Variants in PDK1 observed in about 807,000 individuals in gnomAD.
The protein encoded by PDK1 is [Pyruvate dehydrogenase (acetyl-transferring)] kinase isozyme 1, mitochondrial.
In PDK1, 39 loss-of-function variants were observed where a neutral mutation model predicts 54.2. The ratio of observed to expected loss-of-function variants is 0.72; its 90% CI spans 0.56 to 0.94. The LOEUF (loss-of-function observed/expected upper bound fraction) is 0.94. PDK1 is among the 40% of genes least tolerant of loss of function. The pLI, the probability that PDK1 is intolerant of heterozygous loss-of-function variation, is 0.00. For synonymous variants in PDK1, 221 were observed against 207.1 expected, an observed-to-expected ratio of 1.07 and a Z score of -0.58; for missense variants, 552 against 566.0, an observed-to-expected ratio of 0.98 and a Z score of 0.25.
At chr2:172,659,628 G>A in the PDK1 span, among the ~76,000 whole-genome samples, 1 of 152,110 alleles carries the variant, frequency 6.6e-6, no homozygotes, top group Non-Finnish European at 1.5e-5. Context: ...ATGTTTTAAA[G>A]TACACTAAAA....
At chr2:172,679,197 A>G in the PDK1 span, among the ~76,000 whole-genome samples, 9 of 152,186 alleles carry the variant, frequency 5.9e-5, no homozygotes, top group African/African-American at 2.2e-4. Flanking sequence ...TATAAATCCA[A>G]TGACTTGGGA....
intron 8 of PDK1, among the ~76,000 whole-genome samples, chr2:172,584,991 G>A (rs886093985): frequency 1.3e-5 from 2 of 151,162 alleles, no homozygotes; most frequent in African/African-American, 4.9e-5. Flanking sequence ...TTCTTTTTTT[G>A]TTTGTTTTTG....
At chr2:172,589,777 A>G (rs1046773155) in intron 9 of PDK1, among the ~76,000 whole-genome samples, 1 of 152,212 alleles carries the variant, frequency 6.6e-6, no homozygotes, top group African/African-American at 2.4e-5. Flanking sequence ...AATGTCATCA[A>G]ACATATGACT....
the PDK1 span, among the ~76,000 whole-genome samples, chr2:172,688,550 T>C: frequency 2.6e-5 from 4 of 152,140 alleles, no homozygotes; most frequent in African/African-American, 7.2e-5. Context: ...TTGCATCCTC[T>C]AAGGAGCAGA....
At chr2:172,640,217 T>C in the PDK1 span, among the ~76,000 whole-genome samples, 2 of 152,358 alleles carry the variant, frequency 1.3e-5, no homozygotes, top group East Asian at 3.9e-4. Context: ...GGGTACTTAC[T>C]GGAGAATGTA....
the PDK1 span, among the ~76,000 whole-genome samples, chr2:172,680,991 C>T: frequency 6.6e-6 from 1 of 152,332 alleles, no homozygotes; most frequent in East Asian, 1.9e-4. Flanking sequence ...TAAATTATGG[C>T]AAGAAACTAT....
At chr2:172,712,414 T>C in the PDK1 span, among the ~76,000 whole-genome samples, 1 of 152,218 alleles carries the variant, frequency 6.6e-6, no homozygotes, top group Non-Finnish European at 1.5e-5. Context: ...TCACTTGGCT[T>C]TCGCTACTGG....
intron 9 of PDK1, 111 bp downstream of exon 9, chr2:172,586,499 G>T (rs1315376518): frequency 1.7e-6 from 1 of 581,726 alleles, no homozygotes; most frequent in African/African-American, 1.9e-5. Flanking sequence ...AAGGAAGAAA[G>T]AAGCTCTTAG....
chr2:172,586,344 A>G lies in PDK1; in HGVS notation c.1012A>G (p.Thr338Ala), dbSNP rs781382021. 8.7e-6 allele frequency: 14 copies of G among 1,613,046 alleles called. No homozygotes were observed. Among genetic ancestry groups the G allele is most frequent in the African/African-American group, 2.7e-5 (2 of 74,960 alleles). ...CAGACTTTTCAACTACATGTATTCA[A>G]CTGCACCAAGACCTCGTGTTGAGAC... ...IDRLFNYMYS[T>A]APRPRVETSR... Residue 338 changes from threonine (T) to alanine (A), a missense_variant, in exon 9 of 11, where the codon ACT (threonine) becomes GCT (alanine). Physicochemically the swap from Thr to Ala is moderately conservative, Grantham distance 58. Coordinates refer to ENST00000282077, the MANE Select transcript of PDK1 (RefSeq NM_002610.5).
rs370335411 is a variant in PDK1, at chr2:172,564,771, G to A, written c.595+84G>A. 523 of 688,672 alleles carry A rather than the reference G, an allele frequency of 7.6e-4. 2 individuals are homozygous for A. The African/African-American group carries it at 0.01, about 14-fold the overall frequency. The allele number at this position is 688,672 out of a possible 1,614,324, so 42.7% of individuals were successfully genotyped here. A position where few individuals can be genotyped will look rare whatever the true frequency, so the allele number is the denominator to read the frequency against. On this transcript the variant is annotated intron_variant, in intron 4 of 10. Transcript: ENST00000282077. ...AATTTATTTAGGAAAGTTCCATTTAGGTAGGAAATTTAGTTTTACCTTTTG... is the reference window on the plus strand; with the variant it reads ...AATTTATTTAGGAAAGTTCCATTTAAGTAGGAAATTTAGTTTTACCTTTTG...
chr2:172,563,983 G>A, intron 3 of PDK1: 1 of 470,832 alleles, frequency 2.1e-6, no homozygotes, highest in Non-Finnish European at 4.4e-6. Flanking sequence ...TAAACTCATA[G>A]GATGAGTGAA....
At chr2:172,704,571 A>C in the PDK1 span, among the ~76,000 whole-genome samples, 10 of 152,208 alleles carry the variant, frequency 6.6e-5, no homozygotes, top group South Asian at 2.1e-4. Flanking sequence ...GGTTCTACAG[A>C]GTGTGAGAGC....
At chr2:172,653,557 C>G in the PDK1 span, among the ~76,000 whole-genome samples, 37 of 151,596 alleles carry the variant, frequency 2.4e-4, no homozygotes, top group African/African-American at 9.0e-4. Context: ...AAGCCAAGAT[C>G]GTGCCACTGC....
chr2:172,561,975 C>T (rs764826656), intron 2 of PDK1, among the ~76,000 whole-genome samples: 3 of 152,088 alleles, frequency 2.0e-5, no homozygotes, highest in Admixed American at 6.5e-5. Flanking sequence ...ATGTAGAACT[C>T]GGAAAATCTT....
chr2:172,671,361 GAATA>G, the PDK1 span, among the ~76,000 whole-genome samples: 3 of 150,682 alleles, frequency 2.0e-5, no homozygotes, highest in East Asian at 3.9e-4. Context: ...ATAATTATAT[GAATA>G]AATAATATAT....
chr2:172,656,192 T>C, the PDK1 span, among the ~76,000 whole-genome samples: 3 of 152,192 alleles, frequency 2.0e-5, no homozygotes, highest in African/African-American at 7.2e-5. Flanking sequence ...TCTAAGTATT[T>C]TTTACACTAA....
chr2:172,707,827 G>A, the PDK1 span, among the ~76,000 whole-genome samples: 3 of 152,092 alleles, frequency 2.0e-5, no homozygotes, highest in Admixed American at 1.3e-4. Context: ...TTTGTTGTAG[G>A]GATCTTCATT....
At chr2:172,556,768 G>A (rs930760825) in intron 1 of PDK1, 6 of 158,408 alleles carry the variant, frequency 3.8e-5, no homozygotes, top group Admixed American at 6.5e-5. Context: ...TAGAATTGGC[G>A]TGATAATAGG....
chr2:172,717,073 G>T, the PDK1 span, among the ~76,000 whole-genome samples: 1 of 152,208 alleles, frequency 6.6e-6, no homozygotes. Flanking sequence ...TTCACAGCCT[G>T]TGGAGTCCCT....
Sources: gnomAD v4.1 joint callset for allele counts (sites outside exome capture counted in the v4.1 genomes callset) on GRCh38, gnomAD v4.1.1 for gene constraint, MANE v1.5 for transcripts, NCBI Gene and HGNC (gene_info 2026-07-23, HGNC 2026-07-21) for gene names.